Variants in ASIC2 observed in about 807,000 individuals in gnomAD.
The protein encoded by ASIC2 is acid-sensing ion channel 2.
A neutral mutation model predicts 57.3 loss-of-function variants in ASIC2; 25 were observed. The ratio of observed to expected loss-of-function variants is 0.44; its 90% CI spans 0.32 to 0.61. The LOEUF (loss-of-function observed/expected upper bound fraction) is 0.61. ASIC2 is among the 20% of genes least tolerant of loss of function. ASIC2 has a pLI of 0.06. For synonymous variants in ASIC2, 319 were observed against 307.5 expected (o/e 1.04, Z -0.39); for missense variants, 641 against 738.1 (o/e 0.87, Z 1.52).
chr17:34,085,491 A>G (rs1397606570), intron 1 of ASIC2, among the ~76,000 whole-genome samples: 1 of 152,224 alleles, frequency 6.6e-6, no homozygotes, highest in African/African-American at 2.4e-5. Context: ...ATATTGGTCT[A>G]AAATTCTCTT....
At chr17:33,543,552 C>T (rs1171743721) in intron 1 of ASIC2, among the ~76,000 whole-genome samples, 1 of 152,154 alleles carries the variant, frequency 6.6e-6, no homozygotes, top group African/African-American at 2.4e-5. Context: ...AATTGATTGG[C>T]CTATACAATT....
intron 1 of ASIC2, among the ~76,000 whole-genome samples, chr17:34,088,288 G>A (rs1394922573): frequency 6.6e-6 from 1 of 152,178 alleles, no homozygotes; most frequent in African/African-American, 2.4e-5. Flanking sequence ...AGGTCTGTTG[G>A]AGTTTGCTAG....
At chr17:33,856,481 T>C (rs1286591360) in intron 1 of ASIC2, among the ~76,000 whole-genome samples, 1 of 152,044 alleles carries the variant, frequency 6.6e-6, no homozygotes, top group Non-Finnish European at 1.5e-5. Flanking sequence ...GTGGTGGTGG[T>C]GGCAGTAGTA....
intron 7 of ASIC2, among the ~76,000 whole-genome samples, chr17:33,019,337 C>T (rs1010325939): frequency 3.3e-5 from 5 of 151,112 alleles, no homozygotes; most frequent in East Asian, 2.0e-4. Flanking sequence ...CAGAGTGTGT[C>T]GAGCGTGTGT....
chr17:33,148,181 G>T (rs957383460), intron 1 of ASIC2, among the ~76,000 whole-genome samples: 19 of 152,358 alleles, frequency 1.2e-4, no homozygotes, highest in African/African-American at 4.6e-4. Context: ...TGTCCCACAG[G>T]TTGACAGGGA....
intron 1 of ASIC2, among the ~76,000 whole-genome samples, chr17:33,403,036 T>C (rs1397431539): frequency 6.6e-6 from 1 of 152,132 alleles, no homozygotes. Context: ...CTTTGTATGG[T>C]CAAAATATTT....
At chr17:33,916,103 A>G (rs546823538) in intron 1 of ASIC2, among the ~76,000 whole-genome samples, 2 of 152,170 alleles carry the variant, frequency 1.3e-5, no homozygotes, top group East Asian at 1.9e-4. Context: ...TCCCTTTTCC[A>G]TATTCCAATT....
At chr17:33,842,312 T>C (rs1425891477) in intron 1 of ASIC2, among the ~76,000 whole-genome samples, 1 of 152,138 alleles carries the variant, frequency 6.6e-6, no homozygotes, top group African/African-American at 2.4e-5. Context: ...CTCAGATGTT[T>C]CTCATAGACA....
In ASIC2 at chr17:33,749,902, A is replaced by G. The variant is rs535509386; in HGVS notation, c.555+406076T>C. 1.4e-4 allele frequency among the ~76,000 whole-genome samples: 22 copies of G among 152,170 alleles called. No homozygotes were observed. The South Asian group carries it at 4.1e-3, about 29-fold the overall frequency. ...TGAAATGTCCCATGCTGCCAACTCC[A>G]AGGCTGTGCTGCCAGTGAGCCTCAG... On this transcript the variant is annotated intron_variant, in intron 1 of 9. Coordinates refer to the ASIC2 transcript ENST00000359872.
chr17:33,186,568 C>T (rs1431355676), intron 1 of ASIC2, among the ~76,000 whole-genome samples: 1 of 152,148 alleles, frequency 6.6e-6, no homozygotes, highest in African/African-American at 2.4e-5. Context: ...GGTCGTAAAG[C>T]TGCAGAGACA....
intron 1 of ASIC2, among the ~76,000 whole-genome samples, chr17:33,854,806 G>A (rs1197361456): frequency 2.6e-5 from 4 of 152,068 alleles, no homozygotes; most frequent in Admixed American, 6.5e-5. Context: ...TCTGCCCTGG[G>A]ATGAACTTTC....
At chr17:33,128,522 T>G (rs1031956104) in intron 1 of ASIC2, among the ~76,000 whole-genome samples, 21 of 152,192 alleles carry the variant, frequency 1.4e-4, no homozygotes, top group Non-Finnish European at 2.2e-4. Context: ...ATCACACCCA[T>G]GCAGGAGGGA....
At chr17:34,055,849 C>T (rs1174482845) in intron 1 of ASIC2, among the ~76,000 whole-genome samples, 4 of 152,076 alleles carry the variant, frequency 2.6e-5, no homozygotes. Context: ...ACAATTATTG[C>T]TGTAGACATA....
At chr17:34,026,979 C>T (rs1424218539) in intron 1 of ASIC2, among the ~76,000 whole-genome samples, 1 of 152,140 alleles carries the variant, frequency 6.6e-6, no homozygotes, top group Non-Finnish European at 1.5e-5. Flanking sequence ...AGAAAATTGG[C>T]CTCCAGATTT....
chr17:33,150,382 C>G (rs570340188), intron 1 of ASIC2, among the ~76,000 whole-genome samples: 41 of 152,204 alleles, frequency 2.7e-4, no homozygotes, highest in Non-Finnish European at 5.3e-4. Flanking sequence ...TCTAGAACTA[C>G]AGGAGTCAGA....
At chr17:33,921,030 A>G (rs1219577331) in intron 1 of ASIC2, among the ~76,000 whole-genome samples, 2 of 152,208 alleles carry the variant, frequency 1.3e-5, no homozygotes, top group African/African-American at 4.8e-5. Flanking sequence ...GTAGTGCCTT[A>G]TTTAATGTGA....
chr17:33,717,156 A>G (rs1487152281), intron 1 of ASIC2, among the ~76,000 whole-genome samples: 1 of 152,260 alleles, frequency 6.6e-6, no homozygotes, highest in Non-Finnish European at 1.5e-5. Flanking sequence ...ACTTCAAAAA[A>G]TATGTATTCA....
At chr17:33,632,766 C>G (rs1051315181) in intron 1 of ASIC2, among the ~76,000 whole-genome samples, 2 of 152,132 alleles carry the variant, frequency 1.3e-5, no homozygotes, top group African/African-American at 4.8e-5. Flanking sequence ...TGCACCTTTT[C>G]TGACTCTTCT....
At chr17:33,248,032 G>A (rs1908753262) in intron 1 of ASIC2, among the ~76,000 whole-genome samples, 1 of 152,204 alleles carries the variant, frequency 6.6e-6, no homozygotes, top group Non-Finnish European at 1.5e-5. Context: ...AAATAGCAGA[G>A]GTAGATGAGT....
Sources: gnomAD v4.1 joint callset for allele counts (sites outside exome capture counted in the v4.1 genomes callset) on GRCh38, gnomAD v4.1.1 for gene constraint, MANE v1.5 for transcripts, NCBI Gene and HGNC (gene_info 2026-07-23, HGNC 2026-07-21) for gene names.